ATP8A1: variants seen among roughly 807,000 people sequenced by gnomAD.
The protein encoded by ATP8A1 is phospholipid-transporting ATPase IA.
A neutral mutation model predicts 177.7 loss-of-function variants in ATP8A1; 90 were observed. The ratio of observed to expected loss-of-function variants is 0.51; its 90% confidence interval spans 0.43 to 0.60. The LOEUF is 0.60. ATP8A1 is among the 20% of genes least tolerant of loss of function. The pLI is 0.00. For missense variants in ATP8A1, 1,072 were observed against 1,392.8 expected, an observed-to-expected ratio of 0.77 and a Z score of 3.67; for synonymous variants, 493 against 485.9, an observed-to-expected ratio of 1.01 and a Z score of -0.19.
chr4:42,468,375 T>A (rs1052670096), intron 25 of ATP8A1, among the ~76,000 whole-genome samples: 1 of 152,060 alleles, frequency 6.6e-6, no homozygotes, highest in African/African-American at 2.4e-5. Context: ...GGTATGTGTG[T>A]ATATATATGT....
chr4:42,650,204 T>C (rs937867872), intron 1 of ATP8A1, among the ~76,000 whole-genome samples: 3 of 152,236 alleles, frequency 2.0e-5, no homozygotes, highest in Admixed American at 1.3e-4. Flanking sequence ...GCACTGAAGA[T>C]AGAAAACCTA....
chr4:42,429,268 T>C (rs887074433), intron 33 of ATP8A1, among the ~76,000 whole-genome samples: 1 of 152,126 alleles, frequency 6.6e-6, no homozygotes, highest in East Asian at 1.9e-4. Flanking sequence ...CTGTTGAAGG[T>C]TGACGAGTGT....
At chr4:42,419,340 A>G (rs1463899264) in intron 35 of ATP8A1, among the ~76,000 whole-genome samples, 3 of 152,186 alleles carry the variant, frequency 2.0e-5, no homozygotes, top group African/African-American at 7.2e-5. Context: ...GGGCCTCTCT[A>G]GAAGCTCAAT....
intron 16 of ATP8A1, among the ~76,000 whole-genome samples, chr4:42,555,116 TCTATCTATCTATCTATCTATCTA>T (rs1729956915): frequency 2.1e-5 from 2 of 96,906 alleles, no homozygotes; most frequent in Non-Finnish European, 4.1e-5. Context: ...TATCTATCTA[TCTATCTATCTATCTATCTATCTA>T]ATCTATCTAT....
intron 34 of ATP8A1, among the ~76,000 whole-genome samples, 179 bp downstream of exon 34, chr4:42,423,438 A>G (rs1017763682): frequency 6.6e-6 from 1 of 152,116 alleles, no homozygotes. Flanking sequence ...TTTACTACTC[A>G]TTTCGTCTTT....
At chr4:42,446,497 A>G in intron 31 of ATP8A1, 86 bp downstream of exon 31, 1 of 1,366,932 alleles carries the variant, frequency 7.3e-7, no homozygotes, top group Non-Finnish European at 1.0e-6. Flanking sequence ...AGAAACACTC[A>G]TATCACGTTT....
At chr4:42,425,774 G>C (rs960242182) in intron 33 of ATP8A1, among the ~76,000 whole-genome samples, 4 of 152,166 alleles carry the variant, frequency 2.6e-5, no homozygotes, top group African/African-American at 9.7e-5. Flanking sequence ...GGTTCCCTCC[G>C]AGAGCGGTTT....
intron 15 of ATP8A1, among the ~76,000 whole-genome samples, chr4:42,557,349 A>G (rs2153213823): frequency 6.6e-6 from 1 of 152,332 alleles, no homozygotes; most frequent in East Asian, 1.9e-4. Flanking sequence ...CATTAATTAA[A>G]AAGAGTTCAT....
At chr4:42,472,355 T>G in intron 25 of ATP8A1, 1 of 414,516 alleles carries the variant, frequency 2.4e-6, no homozygotes, top group Admixed American at 2.7e-5. Flanking sequence ...GATGTTAATT[T>G]TGAATTCCCA....
At chr4:42,614,378 T>G (rs896022056) in intron 5 of ATP8A1, among the ~76,000 whole-genome samples, 1 of 152,220 alleles carries the variant, frequency 6.6e-6, no homozygotes, top group South Asian at 2.1e-4. Flanking sequence ...TGTACTTCTG[T>G]TTCAAAAGCT....
Position 42,578,428 on chromosome 4 carries a change from ATT to A in ATP8A1, c.1001-43_1001-42del, listed in dbSNP as rs1456802360. On this transcript the variant is annotated intron_variant, in intron 11 of 36. Coordinates refer to ENST00000381668, the MANE Select transcript of ATP8A1 (RefSeq NM_006095.2). Reference sequence around the variant, plus strand: ...GGAAGAACGTCATTTACAGTTTTATATTTTATTTGCATTGACCCCAAATTAGC... The same window carrying A: ...GGAAGAACGTCATTTACAGTTTTATATTATTTGCATTGACCCCAAATTAGC... 3 of 1,596,044 alleles carry A rather than the reference ATT, an allele frequency of 1.9e-6. No homozygotes were observed. The South Asian group carries it at 3.4e-5, about 18-fold the overall frequency.
intron 27 of ATP8A1, among the ~76,000 whole-genome samples, chr4:42,458,778 T>C (rs1404521127): frequency 1.3e-5 from 2 of 152,260 alleles, no homozygotes; most frequent in Non-Finnish European, 2.9e-5. Flanking sequence ...CATTATTTTC[T>C]AAATTCCACC....
intron 1 of ATP8A1, among the ~76,000 whole-genome samples, chr4:42,655,159 C>A (rs1201657386): frequency 6.6e-6 from 1 of 152,218 alleles, no homozygotes; most frequent in Non-Finnish European, 1.5e-5. Context: ...AGCTCTTAAT[C>A]CAAATGTGTC....
At chr4:42,568,080 T>C (rs1731536417) in intron 15 of ATP8A1, among the ~76,000 whole-genome samples, 1 of 152,242 alleles carries the variant, frequency 6.6e-6, no homozygotes, top group Non-Finnish European at 1.5e-5. Context: ...TATCCACTAA[T>C]AGTAAGATGC....
Position 42,543,941 on chromosome 4 carries a change from C to A in ATP8A1, c.1698G>T (p.Lys566Asn). The A allele has an allele frequency of 1.9e-6, 3 of 1,612,880 alleles. No homozygotes were observed. The highest frequency in any genetic ancestry group is 2.5e-6 in the Non-Finnish European group (3 of 1,179,538). The change falls in exon 20 of 37, where the codon AAG (lysine) becomes AAT (asparagine). Residue 566 changes from lysine (K) to asparagine (N), a missense_variant. Physicochemically the swap from Lys to Asn is moderately conservative, Grantham distance 94. Coordinates refer to ENST00000381668, the MANE Select transcript of ATP8A1 (RefSeq NM_006095.2). ...MSVIVRTPSG[K>N]LRLYCKGADT... ...CAGCTCCTTTGCAGTAGAGTCGTAACTTTCCAGATGGAGTGCGAACAATCA... is the reference window on the plus strand; with the variant it reads ...CAGCTCCTTTGCAGTAGAGTCGTAAATTTCCAGATGGAGTGCGAACAATCA...
Position 42,410,297 on chromosome 4 carries a change from A to T in ATP8A1, c.*2619T>A, listed in dbSNP as rs866806298. On this transcript the variant is annotated 3_prime_UTR_variant, in exon 37 of 37. Transcript: ENST00000381668. Reference sequence around the variant, plus strand: ...GCTAAATGAATGAGGATTTTCTATTATAAGTCGTATTGTCTGAATTGTAAA... The same window carrying T: ...GCTAAATGAATGAGGATTTTCTATTTTAAGTCGTATTGTCTGAATTGTAAA... The T allele has an allele frequency of 1.3e-5, 2 of 152,312 alleles. No homozygotes were observed. The highest frequency in any genetic ancestry group is 3.4e-3 in the Middle Eastern group (1 of 294). The allele number at this position is 152,312 out of a possible 1,614,324, so 9.4% of individuals were successfully genotyped here.
intron 33 of ATP8A1, among the ~76,000 whole-genome samples, chr4:42,442,746 G>A (rs1033513277): frequency 6.6e-6 from 1 of 152,172 alleles, no homozygotes; most frequent in African/African-American, 2.4e-5. Context: ...GTACTTAGGG[G>A]CAACAAATAC....
chr4:42,428,609 C>A (rs1472042229), intron 33 of ATP8A1, among the ~76,000 whole-genome samples: 1 of 152,208 alleles, frequency 6.6e-6, no homozygotes, highest in African/African-American at 2.4e-5. Flanking sequence ...CACACTGCAG[C>A]CTGAGAGATA....
chr4:42,626,699 G>A (rs1382521311), intron 2 of ATP8A1: 2 of 334,596 alleles, frequency 6.0e-6, no homozygotes, highest in South Asian at 3.9e-5. Context: ...GTAACGCATC[G>A]CTCTATTAAC....
Sources: allele counts gnomAD v4.1 joint callset (sites outside exome capture counted in the v4.1 genomes callset), GRCh38; gene constraint gnomAD v4.1.1; transcripts MANE v1.5; gene names NCBI Gene and HGNC (gene_info 2026-07-23, HGNC 2026-07-21).